Variants in PIP5K1C observed in about 807,000 individuals in gnomAD.
PIP5K1C encodes the protein phosphatidylinositol 4-phosphate 5-kinase type-1 gamma.
In PIP5K1C, 45 loss-of-function variants were observed where a neutral mutation model predicts 80.1. The ratio of observed to expected loss-of-function variants is 0.56; its 90% confidence interval spans 0.44 to 0.72. The LOEUF (loss-of-function observed/expected upper bound fraction) is 0.72. Ranked by LOEUF, PIP5K1C falls within the 30% of genes least tolerant of loss-of-function variation. The pLI, the probability that PIP5K1C is intolerant of heterozygous loss-of-function variation, is 0.00. For missense variants in PIP5K1C, 753 were observed against 954.6 expected, an observed-to-expected ratio of 0.79 and a Z score of 2.78; for synonymous variants, 498 against 420.1, an observed-to-expected ratio of 1.19 and a Z score of -2.27.
chr19:3,669,371 G>A lies in PIP5K1C; in HGVS notation c.95-2018C>T, dbSNP rs1271136236. On this transcript the variant is annotated intron_variant, in intron 1 of 17. Transcript: ENST00000335312. ...GGCTGAGGTGAGCAGGGGAGGCCAG[G>A]ACATGTGAGGGGCCAACTGGGCGAG... Among the ~76,000 whole-genome samples the A allele has an allele frequency of 3.3e-5, 5 of 152,346 alleles. No homozygotes were observed. The East Asian group carries it at 9.7e-4, about 29-fold the overall frequency.
At chr19:3,652,526 T>C (rs1038158336) in intron 7 of PIP5K1C, among the ~76,000 whole-genome samples, 3 of 151,862 alleles carry the variant, frequency 2.0e-5, no homozygotes, top group Non-Finnish European at 2.9e-5. Flanking sequence ...CTGGGTGGAG[T>C]TGGGGAGCTG....
At chr19:3,697,899 T>C (rs773101019) in intron 1 of PIP5K1C, among the ~76,000 whole-genome samples, 11 of 152,020 alleles carry the variant, frequency 7.2e-5, no homozygotes, top group Non-Finnish European at 1.5e-4. Flanking sequence ...CCACGGCCCA[T>C]GGAGACGCCA....
chr19:3,692,492 C>A lies in PIP5K1C; in HGVS notation c.94+7805G>T, dbSNP rs968246163. On this transcript the variant is annotated intron_variant, in intron 1 of 17. Transcript: ENST00000335312. This position sits in a 1 kb window ranked among gnomAD's most constrained non-coding sequence, Gnocchi z 5.2. The stretch of plus-strand genomic sequence containing the variant: ...AATCTTGATTTCAAACTCAATCCCC[C>A]CTCAGCCCCACACTCAACCTTCAAA... 6.6e-6 allele frequency among the ~76,000 whole-genome samples: 1 copy of A among 152,160 alleles called. No homozygotes were observed. Among genetic ancestry groups the A allele is most frequent in the African/African-American group, 2.4e-5 (1 of 41,432 alleles).
At chr19:3,658,576 T>C (rs2034719262) in intron 5 of PIP5K1C, among the ~76,000 whole-genome samples, 1 of 152,184 alleles carries the variant, frequency 6.6e-6, no homozygotes, top group African/African-American at 2.4e-5. Flanking sequence ...GCGCCCTCCC[T>C]GGGAGGCCAG....
chr19:3,659,003 G>C (rs1428947317), intron 5 of PIP5K1C, among the ~76,000 whole-genome samples: 4 of 152,104 alleles, frequency 2.6e-5, no homozygotes, highest in African/African-American at 4.8e-5. Flanking sequence ...GCAGGGCTGA[G>C]CCCCACCCTG....
chr19:3,676,472 A>G (rs1246785431), intron 1 of PIP5K1C, among the ~76,000 whole-genome samples: 3 of 152,210 alleles, frequency 2.0e-5, no homozygotes, highest in Non-Finnish European at 2.9e-5. Flanking sequence ...TTCTCGAAAA[A>G]CAGGCAGATC....
At chr19:3,657,211 G>A (rs1332622966) in intron 5 of PIP5K1C, among the ~76,000 whole-genome samples, 4 of 152,066 alleles carry the variant, frequency 2.6e-5, no homozygotes, top group Admixed American at 2.6e-4. Context: ...GTTTCATGAT[G>A]TGCTCGCTGT....
chr19:3,697,352 C>CGAGCCAGACAGAGGAGGACT (rs1192014213), intron 1 of PIP5K1C, among the ~76,000 whole-genome samples: 37 of 149,874 alleles, frequency 2.5e-4, no homozygotes, highest in African/African-American at 4.9e-5. Context: ...CGGGGAGGAC[C>CGAGCCAGACAGAGGAGGACT]GAGCCAGACA....
intron 1 of PIP5K1C, among the ~76,000 whole-genome samples, chr19:3,694,570 A>G (rs2145621070): frequency 6.6e-6 from 1 of 152,202 alleles, no homozygotes; most frequent in Middle Eastern, 3.4e-3. Flanking sequence ...ACCATCCCCC[A>G]CCAGGCGCTG....
At chr19:3,640,038 G>T (rs951582762) in intron 15 of PIP5K1C, among the ~76,000 whole-genome samples, 1 of 152,222 alleles carries the variant, frequency 6.6e-6, no homozygotes, top group Non-Finnish European at 1.5e-5. Context: ...AGTGGCAGGA[G>T]CACTGGGTGG....
At chr19:3,643,815 G>A (rs556483959) in intron 12 of PIP5K1C, among the ~76,000 whole-genome samples, 3 of 152,132 alleles carry the variant, frequency 2.0e-5, no homozygotes, top group East Asian at 1.9e-4. Flanking sequence ...GCATGCCTTC[G>A]ATGGCATCCT....
intron 16 of PIP5K1C, among the ~76,000 whole-genome samples, chr19:3,634,704 C>T (rs778017920): frequency 1.3e-5 from 2 of 152,214 alleles, no homozygotes; most frequent in Non-Finnish European, 2.9e-5. Flanking sequence ...CCAGGTGAGC[C>T]CAGACCTCAC....
chr19:3,639,592 C>G (rs2033876088), intron 15 of PIP5K1C, among the ~76,000 whole-genome samples: 1 of 152,024 alleles, frequency 6.6e-6, no homozygotes, highest in Non-Finnish European at 1.5e-5. Flanking sequence ...CTGCTACACC[C>G]AACTAATTTT....
Position 3,648,354 on chromosome 19 carries a change from C to G in PIP5K1C, c.1211+271G>C, listed in dbSNP as rs2034314643. 6.6e-6 allele frequency among the ~76,000 whole-genome samples: 1 copy of G among 152,194 alleles called. No homozygotes were observed. The highest frequency in any genetic ancestry group is 2.4e-5 in the African/African-American group (1 of 41,452). On this transcript the variant is annotated intron_variant, in intron 9 of 17. Coordinates refer to ENST00000335312, the MANE Select transcript of PIP5K1C (RefSeq NM_012398.3). This position sits in a 1 kb window ranked among gnomAD's most constrained non-coding sequence, Gnocchi z 4.3. The stretch of plus-strand genomic sequence containing the variant: ...GATTTTCAAGGCGACCAAACACCTT[C>G]CCTTTAGGGCTCAAGAAGGGGCAGC...
chr19:3,660,059 T>G (rs2034779789), intron 5 of PIP5K1C, among the ~76,000 whole-genome samples: 1 of 152,098 alleles, frequency 6.6e-6, no homozygotes, highest in African/African-American at 2.4e-5. Flanking sequence ...TGGCGCAGGT[T>G]GGATGCCGGG....
chr19:3,666,504 G>A (rs1344003985), intron 2 of PIP5K1C, among the ~76,000 whole-genome samples: 2 of 152,042 alleles, frequency 1.3e-5, no homozygotes, highest in African/African-American at 4.8e-5. Flanking sequence ...CACACGTGCA[G>A]ACGTGCACAC....
chr19:3,664,656 T>C (rs191725931), intron 3 of PIP5K1C, among the ~76,000 whole-genome samples, 166 bp downstream of exon 3: 12 of 152,314 alleles, frequency 7.9e-5, no homozygotes, highest in Admixed American at 2.6e-4. Context: ...TGGGGCCTCA[T>C]GCAGGACTGA....
chr19:3,644,139 C>T lies in PIP5K1C; in HGVS notation c.1458G>A (p.Glu486=). Residue 486 remains glutamate, a synonymous_variant, in exon 12 of 18, where the codon GAG becomes GAA. Transcript: ENST00000335312. ...GGGCCCCCCGCAGGTCGTACTGGGC[C>T]TCCTCCCGCTCGCTAGGGATCTGGC... ...SASQIPSERE[E]AQYDLRGARS... is the part of the protein sequence containing the mutation. 5 of 1,612,034 alleles carry T rather than the reference C, an allele frequency of 3.1e-6. No individual in the cohort carries two copies. Among genetic ancestry groups the T allele is most frequent in the Non-Finnish European group, 4.2e-6 (5 of 1,179,864 alleles).
In PIP5K1C at chr19:3,652,048, G is replaced by A. The variant is rs1599964855; in HGVS notation, c.922-17C>T. On this transcript the variant is annotated splice_polypyrimidine_tract_variant and intron_variant, in intron 7 of 17. Coordinates refer to ENST00000335312, the MANE Select transcript of PIP5K1C (RefSeq NM_012398.3). ...TTCCAGGACCTGGCGGGATCGGGCA[G>A]GAACACGCCACGCCGTCAGCCGTCT... The A allele has an allele frequency of 5.6e-6, 9 of 1,611,314 alleles. No homozygotes were observed. Among genetic ancestry groups the A allele is most frequent in the Non-Finnish European group, 7.6e-6 (9 of 1,178,458 alleles).
Sources: gnomAD v4.1 joint callset for allele counts (sites outside exome capture counted in the v4.1 genomes callset) on GRCh38, gnomAD v4.1.1 for gene constraint, Gnocchi (gnomAD v3.1) non-coding constraint, MANE v1.5 for transcripts, NCBI Gene and HGNC (gene_info 2026-07-23, HGNC 2026-07-21) for gene names.